SETD5: variants seen among roughly 807,000 people sequenced by gnomAD.
SETD5 encodes SET domain containing 5, also known as histone-lysine N-methyltransferase SETD5.
A neutral mutation model predicts 153.3 loss-of-function variants in SETD5; 44 were observed. That is an observed-to-expected ratio of 0.29 (90% confidence interval 0.23 to 0.37). The LOEUF is 0.37. SETD5 is among the 10% of genes least tolerant of loss of function. The pLI is 1.00. For missense variants in SETD5, 1,544 were observed against 1,768.0 expected, an observed-to-expected ratio of 0.87 and a Z score of 2.27; for synonymous variants, 716 against 645.2, an observed-to-expected ratio of 1.11 and a Z score of -1.66.
intron 1 of SETD5, among the ~76,000 whole-genome samples, chr3:9,420,183 T>C (rs2038158944): frequency 6.6e-6 from 1 of 152,126 alleles, no homozygotes; most frequent in South Asian, 2.1e-4. Flanking sequence ...GTTAAATGGG[T>C]TGTAAATAAA....
intron 19 of SETD5, among the ~76,000 whole-genome samples, chr3:9,472,539 T>C (rs1208405726): frequency 6.6e-6 from 1 of 152,236 alleles, no homozygotes; most frequent in East Asian, 1.9e-4. Flanking sequence ...AATTATAAAC[T>C]GGAAATAATA....
intron 1 of SETD5, among the ~76,000 whole-genome samples, chr3:9,420,126 G>C (rs1262998070): frequency 6.6e-6 from 1 of 152,136 alleles, no homozygotes; most frequent in Non-Finnish European, 1.5e-5. Context: ...GTTACAAAGA[G>C]TCTGTGTATT....
At chr3:9,407,892 C>CG (rs1219396724) in intron 1 of SETD5, among the ~76,000 whole-genome samples, 1 of 151,716 alleles carries the variant, frequency 6.6e-6, no homozygotes, top group Non-Finnish European at 1.5e-5. Flanking sequence ...CCCAGCTACT[C>CG]GGGAGGCTGA....
At position 9,477,744 on chromosome 3, in the gene SETD5, C is replaced by G. The variant is rs1489195641; in HGVS notation, c.*1653C>G. 1 of 146,672 alleles carries G rather than the reference C, an allele frequency of 6.8e-6. No homozygotes were observed. Among genetic ancestry groups the G allele is most frequent in the African/African-American group, 2.5e-5 (1 of 39,486 alleles). 9.1% of individuals were successfully genotyped at this position (146,672 alleles called of 1,614,324 possible). ...CAGAGTACTTTTCTTTTTGTTGTTT[C>G]CCCCACAAACCCATCAGTCTGGGAG... is the stretch of plus-strand genomic sequence containing the variant. On this transcript the variant is annotated 3_prime_UTR_variant, in exon 23 of 23. Transcript: ENST00000402198.
chr3:9,405,102 C>T (rs2035447105), intron 1 of SETD5, among the ~76,000 whole-genome samples: 1 of 152,182 alleles, frequency 6.6e-6, no homozygotes. Context: ...TCTTAAAAGT[C>T]TTTAGTGATA....
At chr3:9,440,203 A>C (rs2041100739) in intron 7 of SETD5, among the ~76,000 whole-genome samples, 1 of 152,356 alleles carries the variant, frequency 6.6e-6, no homozygotes, top group South Asian at 2.1e-4. Context: ...ACTATGATCC[A>C]GATTAATTTC....
intron 18 of SETD5, among the ~76,000 whole-genome samples, chr3:9,466,304 AAAAAAG>A (rs1401340393): frequency 5.3e-4 from 81 of 151,660 alleles, no homozygotes; most frequent in Middle Eastern, 6.8e-3. Context: ...AAAAAAAAAA[AAAAAAG>A]AAAATCAGAA....
At chr3:9,440,243 C>G (rs547082624) in intron 7 of SETD5, among the ~76,000 whole-genome samples, 8 of 152,134 alleles carry the variant, frequency 5.3e-5, no homozygotes, top group African/African-American at 1.9e-4. Context: ...ACTGAGCTTC[C>G]CCATTTAAAG....
Position 9,453,721 on chromosome 3 carries a change from G to T in SETD5, c.2347-18G>T. 1 of 1,568,950 alleles carries T rather than the reference G, an allele frequency of 6.4e-7. No homozygotes were observed. The highest frequency in any genetic ancestry group is 1.2e-5 in the South Asian group (1 of 83,270). ...TTTAGATAATTATTGATAATTCTCT[G>T]GTTCTTTTCAATTATAGCGCTGGAT... On this transcript the variant is annotated intron_variant, in intron 16 of 22. Transcript: ENST00000402198.
chr3:9,457,518 TAA>T (rs1286968542), intron 17 of SETD5, among the ~76,000 whole-genome samples: 9 of 150,658 alleles, frequency 6.0e-5, no homozygotes, highest in East Asian at 3.9e-4. Context: ...ATAATAATAA[TAA>T]GAGTTTATTA....
At chr3:9,472,040 A>G (rs1374010382) in intron 19 of SETD5, among the ~76,000 whole-genome samples, 1 of 152,228 alleles carries the variant, frequency 6.6e-6, no homozygotes, top group Non-Finnish European at 1.5e-5. Context: ...ATTGGCAGAT[A>G]ATTTGGATTA....
intron 17 of SETD5, among the ~76,000 whole-genome samples, chr3:9,461,181 CTACACATATA>C (rs1320728884): frequency 1.3e-5 from 2 of 152,114 alleles, no homozygotes; most frequent in Non-Finnish European, 2.9e-5. Context: ...TAAATATAAA[CTACACATATA>C]TAGATATTCT....
chr3:9,419,905 C>T (rs1303861907), intron 1 of SETD5, among the ~76,000 whole-genome samples: 1 of 152,166 alleles, frequency 6.6e-6, no homozygotes, highest in Non-Finnish European at 1.5e-5. Context: ...AGAGAGGAGG[C>T]ACGTGTAGAG....
At chr3:9,470,157 C>T (rs1228670796) in intron 18 of SETD5, among the ~76,000 whole-genome samples, 1 of 152,154 alleles carries the variant, frequency 6.6e-6, no homozygotes, top group African/African-American at 2.4e-5. Flanking sequence ...GACTCAGCAA[C>T]CTGATGAAAG....
At chr3:9,454,622 C>CA (rs67028533) in intron 17 of SETD5, among the ~76,000 whole-genome samples, 658 of 57,988 alleles carry the variant, frequency 0.011, 50 homozygotes, top group East Asian at 0.047. Context: ...AACTCCGTCT[C>CA]AAAAAAAAAA....
intron 20 of SETD5, among the ~76,000 whole-genome samples, 173 bp downstream of exon 20, chr3:9,473,710 C>T (rs1158226551): frequency 1.3e-5 from 2 of 151,736 alleles, no homozygotes; most frequent in African/African-American, 4.8e-5. Context: ...TCAGCTGCAA[C>T]CCCCCAGCTT....
At chr3:9,451,254 A>T (rs2042593492) in intron 16 of SETD5, among the ~76,000 whole-genome samples, 1 of 152,252 alleles carries the variant, frequency 6.6e-6, no homozygotes. Context: ...AATTTAGTTG[A>T]ACCGGGACTC....
At chr3:9,475,184 C>A in intron 22 of SETD5, 28 bp downstream of exon 22, 3 of 1,551,356 alleles carry the variant, frequency 1.9e-6, no homozygotes. Context: ...TGGTCTCTAG[C>A]CATAGGAGTG....
At position 9,470,555 on chromosome 3, in the gene SETD5, C is replaced by T. The variant is rs1167393019; in HGVS notation, c.2821C>T (p.His941Tyr). The T allele has an allele frequency of 6.2e-7, 1 of 1,613,908 alleles. No homozygotes were observed. Among genetic ancestry groups the T allele is most frequent in the African/African-American group, 1.3e-5 (1 of 74,926 alleles). ...TAGACCTTCCCTACTCAACTCAGGT[C>T]ATTCTGACCTGGCTCCTCATCCCTC... ...ADRPSLLNSG[H>Y]SDLAPHPSLG... Residue 941 changes from histidine (H) to tyrosine (Y), a missense_variant, in exon 19 of 23, where the codon CAT becomes TAT. Physicochemically the swap from His to Tyr is moderately conservative, Grantham distance 83. This residue lies in a region of SETD5 where 782 missense variants were observed against 787.2 expected (regional missense o/e 0.99). Coordinates refer to ENST00000402198, the MANE Select transcript of SETD5 (RefSeq NM_001080517.3).
Sources: allele counts gnomAD v4.1 joint callset (sites outside exome capture counted in the v4.1 genomes callset), GRCh38; gene constraint gnomAD v4.1.1; regional missense constraint gnomAD v4.1.1; transcripts MANE v1.5; gene names NCBI Gene and HGNC (gene_info 2026-07-23, HGNC 2026-07-21).